The following SHANK2 variants were observed in gnomAD, a reference collection of about 807,000 sequenced individuals.
The protein encoded by SHANK2 is SH3 and multiple ankyrin repeat domains 2.
A neutral mutation model predicts 133.7 loss-of-function variants in SHANK2; 43 were observed. The observed-to-expected ratio is 0.32, with a 90% CI of 0.25 to 0.41. The LOEUF (loss-of-function observed/expected upper bound fraction) is 0.41. Ranked by LOEUF, SHANK2 falls within the 10% of genes least tolerant of loss-of-function variation. The probability of loss-of-function intolerance (pLI) is 1.00; values close to 1 mark genes in which losing one functional copy is unlikely to be tolerated. For synonymous variants in SHANK2, 1,017 were observed against 952.8 expected (o/e 1.07, Z -1.24); for missense variants, 1,994 against 2,235.8 (o/e 0.89, Z 2.18).
chr11:70,551,201 C>A (rs1256580549), intron 17 of SHANK2, among the ~76,000 whole-genome samples: 1 of 152,196 alleles, frequency 6.6e-6, no homozygotes, highest in Non-Finnish European at 1.5e-5. Flanking sequence ...ACAGAAACTT[C>A]CCCTGGTGTT....
intron 17 of SHANK2, among the ~76,000 whole-genome samples, chr11:70,586,794 C>T (rs2136247474): frequency 6.6e-6 from 1 of 152,336 alleles, no homozygotes; most frequent in South Asian, 2.1e-4. Flanking sequence ...GTACCGCTCC[C>T]CGGAACGGGG....
chr11:70,806,578 G>A (rs1948165314), intron 13 of SHANK2, among the ~76,000 whole-genome samples: 1 of 152,148 alleles, frequency 6.6e-6, no homozygotes, highest in African/African-American at 2.4e-5. Context: ...CAACCTGGTA[G>A]AATTCCTTCC....
At chr11:70,503,929 T>C (rs2059098432) in intron 17 of SHANK2, among the ~76,000 whole-genome samples, 1 of 152,170 alleles carries the variant, frequency 6.6e-6, no homozygotes, top group African/African-American at 2.4e-5. Flanking sequence ...AATGTTGCTG[T>C]GAAAAGGCCC....
At chr11:71,170,711 G>T (rs1396226920) in intron 2 of SHANK2, among the ~76,000 whole-genome samples, 1 of 152,220 alleles carries the variant, frequency 6.6e-6, no homozygotes, top group Non-Finnish European at 1.5e-5. Context: ...GACCTCCAAG[G>T]TCACGGCAGA....
chr11:70,526,970 GCCC>G (rs1162845217), intron 17 of SHANK2, among the ~76,000 whole-genome samples: 1 of 150,104 alleles, frequency 6.7e-6, no homozygotes, highest in African/African-American at 2.4e-5. Context: ...CAACCGCCCC[GCCC>G]AGGTCACCTT....
At chr11:70,510,402 C>T (rs2059189389) in intron 17 of SHANK2, among the ~76,000 whole-genome samples, 1 of 152,202 alleles carries the variant, frequency 6.6e-6, no homozygotes, top group African/African-American at 2.4e-5. Context: ...CTCCCGCGCT[C>T]ATGCTTGTAG....
intron 11 of SHANK2, 158 bp downstream of exon 11, chr11:70,896,343 A>T (rs1555075686): frequency 1.8e-6 from 1 of 569,678 alleles, no homozygotes; most frequent in African/African-American, 1.9e-5. Flanking sequence ...AAAAAAAGTT[A>T]AGACCAGAGA....
intron 17 of SHANK2, among the ~76,000 whole-genome samples, chr11:70,579,605 C>T (rs116942163): frequency 0.029 from 4,481 of 152,320 alleles, 107 homozygotes; most frequent in East Asian, 0.097. Flanking sequence ...TGGTGTCTCC[C>T]GGGCCTGGGC....
At chr11:70,680,195 C>A (rs1944997140) in intron 15 of SHANK2, among the ~76,000 whole-genome samples, 1 of 152,192 alleles carries the variant, frequency 6.6e-6, no homozygotes, top group African/African-American at 2.4e-5. Context: ...GCCAAAACAG[C>A]CTCTGTCAGA....
At chr11:71,252,755 G>A (rs1379742840), upstream of SHANK2, among the ~76,000 whole-genome samples, 6 of 151,278 alleles carry the variant, frequency 4.0e-5, no homozygotes, top group Admixed American at 2.0e-4. The surrounding 1 kb of genome is among the most constrained non-coding windows in gnomAD (Gnocchi z 6.3). Context: ...CGCGGCTGCG[G>A]CTCGGGCGTG....
chr11:70,586,408 T>G (rs112157885), intron 17 of SHANK2, among the ~76,000 whole-genome samples: 3,344 of 152,104 alleles, frequency 0.022, 68 homozygotes, highest in African/African-American at 0.048. Context: ...TGAGGGAGGT[T>G]CTGGGGCCGG....
At chr11:70,803,850 A>T (rs566122360) in intron 13 of SHANK2, among the ~76,000 whole-genome samples, 8 of 151,964 alleles carry the variant, frequency 5.3e-5, no homozygotes, top group African/African-American at 1.9e-4. Flanking sequence ...GGGAATCGGA[A>T]CATGTACACA....
At chr11:70,534,256 A>G (rs1178301153) in intron 17 of SHANK2, among the ~76,000 whole-genome samples, 1 of 152,198 alleles carries the variant, frequency 6.6e-6, no homozygotes, top group Non-Finnish European at 1.5e-5. Context: ...CCTTCCTCAC[A>G]TGGCGGCAGG....
Position 70,872,909 on chromosome 11 carries a change from C to A in SHANK2, c.1174+23592G>T, listed in dbSNP as rs1555070460. ...CCCTGTAGAGCCCAGCTCCTCGGGG[C>A]AGGAGGAGCACATATCCACTGTCTG... On this transcript the variant is annotated intron_variant, in intron 11 of 25. Transcript: ENST00000601538. 52 of 436,446 alleles carry A rather than the reference C, an allele frequency of 1.2e-4. 1 individual carries two copies. The highest frequency in any genetic ancestry group is 8.5e-4 in the South Asian group (51 of 59,982). The allele number at this position is 436,446 out of a possible 1,614,324, so 27.0% of individuals were successfully genotyped here.
intron 1 of SHANK2, among the ~76,000 whole-genome samples, chr11:71,237,946 T>C (rs958940696): frequency 6.6e-6 from 1 of 152,044 alleles, no homozygotes; most frequent in African/African-American, 2.4e-5. Flanking sequence ...CCACCTGGAG[T>C]TCCCATGGGA....
intron 14 of SHANK2, among the ~76,000 whole-genome samples, chr11:70,773,943 A>C (rs889957213): frequency 1.3e-5 from 2 of 152,258 alleles, no homozygotes; most frequent in African/African-American, 4.8e-5. Flanking sequence ...TTAAACCTAC[A>C]GTTCCCTTGT....
chr11:70,491,783 G>A (rs782075699), intron 22 of SHANK2, among the ~76,000 whole-genome samples: 21 of 152,236 alleles, frequency 1.4e-4, no homozygotes, highest in Non-Finnish European at 2.8e-4. Flanking sequence ...TTTTCCAGCT[G>A]TGTGCCCTCC....
intron 9 of SHANK2, among the ~76,000 whole-genome samples, chr11:71,065,342 G>C (rs1438594611): frequency 1.3e-5 from 2 of 150,328 alleles, no homozygotes; most frequent in East Asian, 2.0e-4. Flanking sequence ...AGTGAGTGGG[G>C]AAGTTGTGGG....
At chr11:70,736,891 G>A (rs1555033693) in intron 14 of SHANK2, among the ~76,000 whole-genome samples, 1 of 152,192 alleles carries the variant, frequency 6.6e-6, no homozygotes, top group East Asian at 1.9e-4. Context: ...GTCAGGGCCA[G>A]GGACTGAACG....
Sources: allele counts gnomAD v4.1 joint callset (sites outside exome capture counted in the v4.1 genomes callset), GRCh38; gene constraint gnomAD v4.1.1; non-coding constraint Gnocchi (gnomAD v3.1); transcripts MANE v1.5; gene names NCBI Gene and HGNC (gene_info 2026-07-23, HGNC 2026-07-21).